The following EFHC2 variants were observed in gnomAD, a reference collection of about 807,000 sequenced individuals.
EFHC2 encodes EF-hand domain containing 2, also known as EF-hand domain-containing family member C2.
EFHC2 carries 18 observed loss-of-function variants against 52.7 expected under a neutral mutation model. The observed-to-expected ratio is 0.34, with a 90% CI of 0.24 to 0.51. The LOEUF (loss-of-function observed/expected upper bound fraction) is 0.51, where lower values mean the gene tolerates loss of function less well. Among genes scored for constraint, EFHC2 ranks in the 20% least tolerant of loss-of-function variants. EFHC2 has a pLI of 0.97. For synonymous variants in EFHC2, 203 were observed against 204.1 expected (o/e 0.99, Z 0.04); for missense variants, 513 against 562.5 (o/e 0.91, Z 0.89).
intron 11 of EFHC2, among the ~76,000 whole-genome samples, chrX:44,198,837 G>A (rs1385495644): frequency 9.0e-6 from 1 of 111,579 alleles, no homozygotes; most frequent in African/African-American, 3.3e-5. Flanking sequence ...TATGCATAAA[G>A]CTAGAACTGT....
In EFHC2 at chrX:44,271,926, C is replaced by G. The variant is rs896157466; in HGVS notation, c.382+760G>C. Among the ~76,000 whole-genome samples the G allele has an allele frequency of 2.7e-5, 3 of 111,949 alleles. No homozygotes were observed. In the Admixed American group the frequency reaches 2.9e-4, roughly 11 times the overall value. ...AGTCTCCCCATTACAGACAAATATC[C>G]CTTTTCACTATTCTGTCTTGCACAT... is the stretch of plus-strand genomic sequence containing the variant. On this transcript the variant is annotated intron_variant, in intron 3 of 14. Coordinates refer to ENST00000420999, the MANE Select transcript of EFHC2 (RefSeq NM_025184.4).
intron 4 of EFHC2, among the ~76,000 whole-genome samples, chrX:44,260,589 G>C: frequency 8.9e-6 from 1 of 111,860 alleles, no homozygotes; most frequent in African/African-American, 3.3e-5. Context: ...TTCTTCCAGA[G>C]CATCTTGGCA....
At chrX:44,158,109 C>T (rs967417578) in intron 14 of EFHC2, among the ~76,000 whole-genome samples, 6 of 111,447 alleles carry the variant, frequency 5.4e-5, no homozygotes, top group Non-Finnish European at 9.4e-5. Flanking sequence ...TCCCTTCTCA[C>T]CCCATGATGG....
chrX:44,286,843 G>A (rs2037752641), intron 2 of EFHC2, among the ~76,000 whole-genome samples: 2 of 104,116 alleles, frequency 1.9e-5, no homozygotes, highest in South Asian at 4.4e-4. Flanking sequence ...GTGAAACCTC[G>A]TCTCTACAAA....
intron 1 of EFHC2, among the ~76,000 whole-genome samples, chrX:44,327,086 A>G (rs2038057540): frequency 9.0e-6 from 1 of 111,393 alleles, no homozygotes; most frequent in Non-Finnish European, 1.9e-5. Context: ...CTCAACTAGT[A>G]TAAGTGGTGA....
At chrX:44,280,295 A>G (rs2037692953) in intron 2 of EFHC2, among the ~76,000 whole-genome samples, 1 of 111,475 alleles carries the variant, frequency 9.0e-6, no homozygotes, top group African/African-American at 3.3e-5. Context: ...AGATGCCAAC[A>G]TGTTTCCCAA....
intron 7 of EFHC2, among the ~76,000 whole-genome samples, chrX:44,247,205 A>G (rs1182721718): frequency 1.8e-5 from 2 of 112,364 alleles, no homozygotes; most frequent in South Asian, 7.4e-4. Flanking sequence ...AATTCCCCTA[A>G]TGAACCTAAG....
chrX:44,168,133 G>A (rs781462997), intron 13 of EFHC2, among the ~76,000 whole-genome samples: 63 of 111,383 alleles, frequency 5.7e-4, no homozygotes, highest in Non-Finnish European at 9.4e-4. Context: ...GAGTCCAGTC[G>A]ATTTGGCCCA....
intron 8 of EFHC2, among the ~76,000 whole-genome samples, chrX:44,237,036 T>A (rs2037325596): frequency 9.1e-6 from 1 of 110,343 alleles, no homozygotes; most frequent in African/African-American, 3.3e-5. Context: ...CTAAATCTAG[T>A]GTTCTGGAGA....
intron 1 of EFHC2, among the ~76,000 whole-genome samples, chrX:44,334,252 T>G (rs1433478598): frequency 8.9e-6 from 1 of 112,050 alleles, no homozygotes; most frequent in Non-Finnish European, 1.9e-5. Flanking sequence ...AATGAACATT[T>G]AGGAATAGCA....
intron 10 of EFHC2, among the ~76,000 whole-genome samples, 190 bp from the exon 11 acceptor site, chrX:44,229,969 C>T (rs2037263350): frequency 9.1e-6 from 1 of 109,860 alleles, no homozygotes; most frequent in Non-Finnish European, 1.9e-5. Flanking sequence ...TTCTGGACAA[C>T]AGCTGACATC....
chrX:44,216,556 C>A (rs1163172793), intron 11 of EFHC2, among the ~76,000 whole-genome samples: 2 of 111,301 alleles, frequency 1.8e-5, no homozygotes, highest in Non-Finnish European at 3.8e-5. Flanking sequence ...CTATTGGTTA[C>A]ATATGAGTCA....
chrX:44,248,205 A>G, intron 7 of EFHC2, 67 bp downstream of exon 7: 1 of 982,892 alleles, frequency 1.0e-6, no homozygotes, highest in African/African-American at 1.9e-5. Context: ...CTCCAAAGTA[A>G]AATCTTAATT....
intron 2 of EFHC2, among the ~76,000 whole-genome samples, chrX:44,291,999 G>C (rs868516169): frequency 1.8e-5 from 2 of 111,556 alleles, no homozygotes; most frequent in Non-Finnish European, 3.8e-5. Flanking sequence ...ACTAGGACTA[G>C]AAGAAAGGGG....
At chrX:44,270,154 C>T (rs2037606971) in intron 3 of EFHC2, among the ~76,000 whole-genome samples, 1 of 111,746 alleles carries the variant, frequency 8.9e-6, no homozygotes, top group South Asian at 3.8e-4. Context: ...GGGACTCAGT[C>T]CTTTTGTCCA....
intron 2 of EFHC2, among the ~76,000 whole-genome samples, chrX:44,294,715 G>A (rs191150280): frequency 2.1e-4 from 23 of 111,890 alleles, no homozygotes; most frequent in Admixed American, 7.6e-4. Flanking sequence ...ACACAGTCAA[G>A]TAAGGGGAAT....
intron 2 of EFHC2, among the ~76,000 whole-genome samples, chrX:44,308,201 C>A (rs1457658417): frequency 1.8e-5 from 2 of 111,049 alleles, no homozygotes; most frequent in Non-Finnish European, 3.8e-5. Context: ...ACAAACAAAA[C>A]TAGAATAAAC....
rs2036543620 is a variant in EFHC2, at chrX:44,148,709, T to C, written c.*86A>G. 1.3e-6 allele frequency: 1 copy of C among 787,751 alleles called. No individual in the cohort carries two copies. The highest frequency in any genetic ancestry group is 2.2e-5 in the African/African-American group (1 of 46,293). 64.9% of individuals were successfully genotyped at this position (787,751 alleles called of 1,213,427 possible). A position where few individuals can be genotyped will look rare whatever the true frequency, so the allele number is the denominator to read the frequency against. On this transcript the variant is annotated 3_prime_UTR_variant, in exon 15 of 15. Coordinates refer to ENST00000420999, the MANE Select transcript of EFHC2 (RefSeq NM_025184.4). ...ATTTAATATAAACCTTGTTTCTTTT[T>C]TGTTTTTAATGAAATTATATCTACT...
chrX:44,271,531 C>T lies in EFHC2; in HGVS notation c.382+1155G>A, dbSNP rs139422220. Among the ~76,000 whole-genome samples the T allele has an allele frequency of 6.7e-3, 747 of 111,166 alleles. 4 individuals carry two copies. Among genetic ancestry groups the T allele is most frequent in the Non-Finnish European group, 0.011 (578 of 52,967 alleles). ...ACAACAACACACCCAAGAATCAGCT[C>T]GTCAAGGAACTGAGTACCCTGAAAG... On this transcript the variant is annotated intron_variant, in intron 3 of 14. Coordinates refer to ENST00000420999, the MANE Select transcript of EFHC2 (RefSeq NM_025184.4).
Sources: allele counts gnomAD v4.1 joint callset (sites outside exome capture counted in the v4.1 genomes callset), GRCh38; gene constraint gnomAD v4.1.1; transcripts MANE v1.5; gene names NCBI Gene and HGNC (gene_info 2026-07-23, HGNC 2026-07-21).